RBFOX1: variants seen among roughly 807,000 people sequenced by gnomAD.
RBFOX1 encodes the protein RNA binding fox-1 homolog 1.
A neutral mutation model predicts 57.7 loss-of-function variants in RBFOX1; 8 were observed. The ratio of observed to expected loss-of-function variants is 0.14; its 90% CI spans 0.08 to 0.25. The LOEUF is 0.25. Among genes scored for constraint, RBFOX1 ranks in the 10% least tolerant of loss-of-function variants. The probability of loss-of-function intolerance (pLI) is 1.00; values close to 1 mark genes in which losing one functional copy is unlikely to be tolerated. For missense variants in RBFOX1, 611 were observed against 548.5 expected, an observed-to-expected ratio of 1.11 and a Z score of -1.14; for synonymous variants, 326 against 222.4, an observed-to-expected ratio of 1.47 and a Z score of -4.15.
chr16:7,508,357 C>T (rs936836046), intron 4 of RBFOX1, among the ~76,000 whole-genome samples: 2 of 152,082 alleles, frequency 1.3e-5, no homozygotes, highest in Non-Finnish European at 2.9e-5. Context: ...GGGAATTGTC[C>T]GTCTTGGTCT....
chr16:6,968,108 C>G (rs756381099), intron 3 of RBFOX1, among the ~76,000 whole-genome samples: 26 of 152,134 alleles, frequency 1.7e-4, no homozygotes, highest in Non-Finnish European at 3.5e-4. Context: ...ATCTGTGGCT[C>G]TGAACTTGCA....
At chr16:6,169,255 G>A (rs1415636927) in intron 1 of RBFOX1, among the ~76,000 whole-genome samples, 2 of 151,404 alleles carry the variant, frequency 1.3e-5, no homozygotes, top group Non-Finnish European at 2.9e-5. Context: ...AAATGTGGAA[G>A]TTAAAGATAA....
intron 4 of RBFOX1, among the ~76,000 whole-genome samples, chr16:7,335,235 C>A (rs1021060213): frequency 6.6e-6 from 1 of 152,310 alleles, no homozygotes; most frequent in East Asian, 1.9e-4. Flanking sequence ...TCCACTTGCT[C>A]ACTAGTTTCT....
intron 4 of RBFOX1, among the ~76,000 whole-genome samples, chr16:5,995,216 C>A (rs1004744634): frequency 6.6e-6 from 1 of 152,180 alleles, no homozygotes; most frequent in African/African-American, 2.4e-5. Context: ...CTCAGTATTT[C>A]ACATTTTAAG....
intron 1 of RBFOX1, among the ~76,000 whole-genome samples, chr16:6,083,253 T>G: frequency 6.6e-6 from 1 of 152,186 alleles, no homozygotes; most frequent in Non-Finnish European, 1.5e-5. Context: ...TCTGCCCGCC[T>G]CGGCCTCCCA....
intron 1 of RBFOX1, among the ~76,000 whole-genome samples, chr16:6,062,580 TAG>T (rs2095701700): frequency 6.7e-6 from 1 of 148,310 alleles, no homozygotes; most frequent in East Asian, 1.9e-4. Context: ...TATATATCTA[TAG>T]AGATTGTATA....
chr16:6,493,243 C>G (rs2095675332), intron 2 of RBFOX1, among the ~76,000 whole-genome samples: 1 of 152,040 alleles, frequency 6.6e-6, no homozygotes, highest in Non-Finnish European at 1.5e-5. Flanking sequence ...ATTGGATTCA[C>G]AGTTATGTTT....
rs535432731 is a variant in RBFOX1, at chr16:5,250,850, C to T, written c.219+10745C>T. On this transcript the variant is annotated intron_variant, in intron 1 of 2. Coordinates refer to the RBFOX1 transcript ENST00000585867. The stretch of plus-strand genomic sequence containing the variant: ...CTGATGAATTTCCTCACACACATCA[C>T]TTGGTGCTCTGTGCCTGCATTTCTG... Among the ~76,000 whole-genome samples, 4 of 152,272 alleles carry T rather than the reference C, an allele frequency of 2.6e-5. No homozygotes were observed. The South Asian group carries it at 8.3e-4, about 32-fold the overall frequency.
chr16:6,308,328 G>T (rs986109862), intron 1 of RBFOX1, among the ~76,000 whole-genome samples: 1 of 152,308 alleles, frequency 6.6e-6, no homozygotes, highest in South Asian at 2.1e-4. Context: ...GTGGCCCTGT[G>T]TGTGAATCCA....
At chr16:5,872,779 C>T (rs147854515) in intron 4 of RBFOX1, among the ~76,000 whole-genome samples, 58 of 152,160 alleles carry the variant, frequency 3.8e-4, no homozygotes, top group African/African-American at 1.3e-3. Flanking sequence ...ATGCTTAAGA[C>T]AGAGCCTGGC....
Position 6,433,703 on chromosome 16 carries a change from G to A in RBFOX1, c.-64+116646G>A, listed in dbSNP as rs192334146. The stretch of plus-strand genomic sequence containing the variant: ...TTCCGGAGGCTCCAGGGAAGAATCT[G>A]TTTTCTTGCTTTTTCCTGTTTCTGG... On this transcript the variant is annotated intron_variant, in intron 2 of 15. Transcript: ENST00000550418. Among the ~76,000 whole-genome samples, 293 of 152,190 alleles carry A rather than the reference G, an allele frequency of 1.9e-3. 2 individuals carry two copies. Among genetic ancestry groups the A allele is most frequent in the Non-Finnish European group, 2.1e-3 (140 of 68,000 alleles).
intron 3 of RBFOX1, among the ~76,000 whole-genome samples, chr16:6,790,477 G>A (rs947934769): frequency 1.3e-5 from 2 of 152,090 alleles, no homozygotes; most frequent in Non-Finnish European, 1.5e-5. Context: ...GAGGCACTGG[G>A]CATGGCGCCC....
intron 5 of RBFOX1, among the ~76,000 whole-genome samples, chr16:7,559,314 T>A (rs57077537): frequency 0.13 from 19,234 of 151,944 alleles, 2,781 homozygotes; most frequent in African/African-American, 0.36. Context: ...TCTCTTTCTC[T>A]CAGTCTCTCT....
chr16:6,986,840 G>T (rs970105509), intron 3 of RBFOX1, among the ~76,000 whole-genome samples: 7 of 152,078 alleles, frequency 4.6e-5, no homozygotes, highest in Non-Finnish European at 2.9e-5. Flanking sequence ...CACTTGTCTT[G>T]GTTGATGATT....
At chr16:5,905,316 G>C (rs2058431874) in intron 4 of RBFOX1, among the ~76,000 whole-genome samples, 1 of 151,844 alleles carries the variant, frequency 6.6e-6, no homozygotes, top group African/African-American at 2.4e-5. Flanking sequence ...GCCTCCCAAA[G>C]TGCTAGGATT....
In RBFOX1 at chr16:7,676,396, T is replaced by A. The variant is rs139530651; in HGVS notation, c.931-378T>A. 9.9e-3 allele frequency among the ~76,000 whole-genome samples: 1,509 copies of A among 152,332 alleles called. 22 individuals carry two copies. Among genetic ancestry groups the A allele is most frequent in the African/African-American group, 0.035 (1,452 of 41,572 alleles). On this transcript the variant is annotated intron_variant, in intron 13 of 15. Coordinates refer to ENST00000550418, the MANE Select transcript of RBFOX1 (RefSeq NM_018723.4). The stretch of plus-strand genomic sequence containing the variant: ...GAATAAAATTTAAGTTAATATCTGA[T>A]AAAGGTAAAGCAGAAACAATTTTGA...
intron 3 of RBFOX1, among the ~76,000 whole-genome samples, chr16:6,832,926 A>T (rs190878765): frequency 6.6e-6 from 1 of 152,172 alleles, no homozygotes; most frequent in South Asian, 2.1e-4. Context: ...GCAGCTTTCA[A>T]TCTCTGGGGA....
At chr16:6,930,889 GC>G (rs1466080473) in intron 3 of RBFOX1, among the ~76,000 whole-genome samples, 2 of 151,614 alleles carry the variant, frequency 1.3e-5, no homozygotes, top group Admixed American at 1.3e-4. Context: ...CAATACCCCT[GC>G]CCCCTCACCA....
intron 3 of RBFOX1, among the ~76,000 whole-genome samples, chr16:5,784,036 T>A (rs2151711787): frequency 6.6e-6 from 1 of 152,286 alleles, no homozygotes; most frequent in East Asian, 1.9e-4. Context: ...TTTAATTAGT[T>A]CATGGTTCTG....
Sources: allele counts gnomAD v4.1 joint callset (sites outside exome capture counted in the v4.1 genomes callset), GRCh38; gene constraint gnomAD v4.1.1; transcripts MANE v1.5; gene names NCBI Gene and HGNC (gene_info 2026-07-23, HGNC 2026-07-21).